The following RNF182 variants were observed in gnomAD, a reference collection of about 807,000 sequenced individuals.
RNF182 encodes E3 ubiquitin-protein ligase RNF182.
Under a neutral mutation model 14.4 loss-of-function variants are expected in RNF182, and 15 were observed. The observed-to-expected ratio is 1.04, with a 90% CI of 0.70 to 1.60. The LOEUF (loss-of-function observed/expected upper bound fraction) is 1.60. RNF182 is among the 40% of genes most tolerant of loss of function. The pLI is 0.00. For missense variants in RNF182, 268 were observed against 294.8 expected, an observed-to-expected ratio of 0.91 and a Z score of 0.67; for synonymous variants, 128 against 122.9, an observed-to-expected ratio of 1.04 and a Z score of -0.27.
chr6:13,976,766 G>A (rs1760335725), intron 2 of RNF182, 143 bp from the exon 3 acceptor site: 1 of 242,674 alleles, frequency 4.1e-6, no homozygotes, highest in East Asian at 9.3e-5. Flanking sequence ...AGGGACAGAA[G>A]TGTGTGAAAA....
chr6:13,971,537 G>A (rs1760184023), intron 1 of RNF182, among the ~76,000 whole-genome samples: 1 of 152,186 alleles, frequency 6.6e-6, no homozygotes, highest in Non-Finnish European at 1.5e-5. Context: ...AAACGTGGGA[G>A]CAACTTTGGA....
At chr6:13,947,598 T>G (rs1759471670) in intron 1 of RNF182, among the ~76,000 whole-genome samples, 1 of 152,164 alleles carries the variant, frequency 6.6e-6, no homozygotes, top group Non-Finnish European at 1.5e-5. Context: ...TATGTGTGTC[T>G]GCAAATATGA....
intron 1 of RNF182, among the ~76,000 whole-genome samples, chr6:13,935,153 G>T (rs1759076557): frequency 6.6e-6 from 1 of 152,220 alleles, no homozygotes; most frequent in Non-Finnish European, 1.5e-5. Context: ...AAGGGGGCAA[G>T]ATTGGTAGCA....
chr6:13,974,034 A>G (rs1760261534), intron 1 of RNF182, among the ~76,000 whole-genome samples, 176 bp from the exon 2 acceptor site: 1 of 152,222 alleles, frequency 6.6e-6, no homozygotes, highest in Non-Finnish European at 1.5e-5. Flanking sequence ...GACCCAGAGA[A>G]CAACTCTGAC....
chr6:13,929,531 G>A (rs975684337), intron 1 of RNF182, among the ~76,000 whole-genome samples: 1 of 152,194 alleles, frequency 6.6e-6, no homozygotes, highest in Admixed American at 6.5e-5. Context: ...TCTGATTGCA[G>A]TAATTTTGAC....
At chr6:13,942,587 T>C (rs2113599922) in intron 1 of RNF182, among the ~76,000 whole-genome samples, 1 of 152,198 alleles carries the variant, frequency 6.6e-6, no homozygotes, top group East Asian at 1.9e-4. Flanking sequence ...ACTGATCTAC[T>C]TGCCTCAGCC....
chr6:13,961,149 T>C (rs1759872555), intron 1 of RNF182, among the ~76,000 whole-genome samples: 1 of 152,190 alleles, frequency 6.6e-6, no homozygotes, highest in East Asian at 1.9e-4. Flanking sequence ...ATTACAACAT[T>C]GGTAAATTGT....
At chr6:13,935,075 T>C (rs144553760) in intron 1 of RNF182, among the ~76,000 whole-genome samples, 63 of 152,178 alleles carry the variant, frequency 4.1e-4, no homozygotes, top group African/African-American at 1.3e-3. Flanking sequence ...CTGGGAAAGA[T>C]GGGAGTAATT....
At chr6:13,928,508 G>A (rs574598309) in intron 1 of RNF182, among the ~76,000 whole-genome samples, 4 of 151,886 alleles carry the variant, frequency 2.6e-5, no homozygotes, top group Non-Finnish European at 4.4e-5. Flanking sequence ...AGTTAATTTT[G>A]TAATGTTTTT....
At chr6:13,957,782 T>A (rs914608122) in intron 1 of RNF182, among the ~76,000 whole-genome samples, 3 of 152,250 alleles carry the variant, frequency 2.0e-5, no homozygotes, top group Admixed American at 1.3e-4. Context: ...TTTGCTAGTA[T>A]GTAAAGAAAC....
chr6:13,956,106 T>C (rs1046550273), intron 1 of RNF182, among the ~76,000 whole-genome samples: 1 of 152,188 alleles, frequency 6.6e-6, no homozygotes, highest in Non-Finnish European at 1.5e-5. Context: ...TTCATATTGC[T>C]GCAGATGACA....
At chr6:13,957,935 T>A (rs1759769268) in intron 1 of RNF182, among the ~76,000 whole-genome samples, 1 of 152,212 alleles carries the variant, frequency 6.6e-6, no homozygotes. Context: ...AACCTGAAGC[T>A]GATTGTGGAC....
chr6:13,963,644 G>A (rs2113633704), intron 1 of RNF182, among the ~76,000 whole-genome samples: 1 of 152,318 alleles, frequency 6.6e-6, no homozygotes, highest in Admixed American at 6.5e-5. Context: ...CATCTTCAGA[G>A]AGGCTAGCCT....
chr6:13,965,086 G>A (rs1160999400), intron 1 of RNF182, among the ~76,000 whole-genome samples: 3 of 152,186 alleles, frequency 2.0e-5, no homozygotes, highest in East Asian at 1.9e-4. Flanking sequence ...GTGATGGAGC[G>A]GCAGCCAGAG....
intron 1 of RNF182, among the ~76,000 whole-genome samples, chr6:13,966,408 A>G (rs1028433907): frequency 3.3e-5 from 5 of 152,214 alleles, no homozygotes; most frequent in African/African-American, 4.8e-5. Context: ...AACTTGGAAA[A>G]TTCACAAATT....
chr6:13,924,596 G>A (rs1758762495), upstream of RNF182: 1 of 152,526 alleles, frequency 6.6e-6, no homozygotes, highest in Non-Finnish European at 1.5e-5. Flanking sequence ...AGTGGTGGAG[G>A]GTGTCTGTGG....
At chr6:13,967,477 T>C (rs1291384564) in intron 1 of RNF182, among the ~76,000 whole-genome samples, 1 of 152,192 alleles carries the variant, frequency 6.6e-6, no homozygotes, top group African/African-American at 2.4e-5. Context: ...TGCACATACC[T>C]TGATGATTCA....
chr6:13,969,841 A>AG (rs56019090), intron 1 of RNF182, among the ~76,000 whole-genome samples: 52,692 of 152,038 alleles, frequency 0.35, 9,517 homozygotes, highest in East Asian at 0.44. Context: ...TAGGAATACC[A>AG]GCTTCATATA....
chr6:13,926,469 T>C (rs955620072), intron 1 of RNF182, among the ~76,000 whole-genome samples: 1 of 152,254 alleles, frequency 6.6e-6, no homozygotes, highest in Admixed American at 6.5e-5. Flanking sequence ...TAGAAGATTG[T>C]ATTGGAAACT....
Sources: gnomAD v4.1 joint callset for allele counts (sites outside exome capture counted in the v4.1 genomes callset) on GRCh38, gnomAD v4.1.1 for gene constraint, MANE v1.5 for transcripts, NCBI Gene and HGNC (gene_info 2026-07-23, HGNC 2026-07-21) for gene names.